MTHFD1L: variants seen among roughly 807,000 people sequenced by gnomAD.
MTHFD1L encodes the protein methylenetetrahydrofolate dehydrogenase (NADP+ dependent) 1 like.
A neutral mutation model predicts 119.5 loss-of-function variants in MTHFD1L; 81 were observed. That is an observed-to-expected ratio of 0.68 (90% CI 0.57 to 0.82). The LOEUF is 0.82. MTHFD1L is among the 40% of genes least tolerant of loss of function. The probability of loss-of-function intolerance (pLI) is 0.00; values close to 1 mark genes in which losing one functional copy is unlikely to be tolerated. For synonymous variants in MTHFD1L, 430 were observed against 475.2 expected, an observed-to-expected ratio of 0.90 and a Z score of 1.24; for missense variants, 1,125 against 1,253.4, an observed-to-expected ratio of 0.90 and a Z score of 1.55.
At chr6:150,961,197 G>A (rs1165098033) in intron 18 of MTHFD1L, among the ~76,000 whole-genome samples, 4 of 149,566 alleles carry the variant, frequency 2.7e-5, no homozygotes, top group African/African-American at 9.8e-5. Context: ...GGATTCAAGC[G>A]ATTCTCCTGC....
intron 1 of MTHFD1L, among the ~76,000 whole-genome samples, chr6:150,870,543 C>T (rs1201797049): frequency 6.6e-6 from 1 of 152,002 alleles, no homozygotes; most frequent in African/African-American, 2.4e-5. Context: ...TTTGTAGTTT[C>T]CCAGTGCATA....
chr6:150,986,376 C>T (rs917364059), intron 20 of MTHFD1L, among the ~76,000 whole-genome samples: 8 of 152,226 alleles, frequency 5.3e-5, no homozygotes, highest in Admixed American at 5.2e-4. Context: ...TTCCAACTGT[C>T]ATGGGGAATC....
chr6:151,051,522 C>T (rs922835972), intron 26 of MTHFD1L, among the ~76,000 whole-genome samples: 1 of 152,082 alleles, frequency 6.6e-6, no homozygotes, highest in African/African-American at 2.4e-5. Flanking sequence ...GGGATCTTTG[C>T]GCAGGAATAA....
chr6:151,078,284 A>G (rs1401525695), intron 26 of MTHFD1L, among the ~76,000 whole-genome samples: 3 of 152,210 alleles, frequency 2.0e-5, no homozygotes. Flanking sequence ...CAAAGAAATA[A>G]AAGAAGAAAA....
chr6:151,058,454 G>T (rs1050724033), intron 26 of MTHFD1L, among the ~76,000 whole-genome samples: 1 of 152,242 alleles, frequency 6.6e-6, no homozygotes, highest in Admixed American at 6.5e-5. Context: ...TGCTTTGAAG[G>T]ATGACCTACT....
At chr6:150,903,203 ATTTTTTTTTTTTTTT>A (rs774695918) in intron 7 of MTHFD1L, among the ~76,000 whole-genome samples, 6 of 85,474 alleles carry the variant, frequency 7.0e-5, no homozygotes, top group Admixed American at 6.1e-4. Flanking sequence ...TGGCTGCAAA[ATTTTTTTTTTTTTTT>A]TTTTTTTTTT....
intron 16 of MTHFD1L, among the ~76,000 whole-genome samples, chr6:150,953,863 T>G (rs981247799): frequency 6.6e-6 from 1 of 152,222 alleles, no homozygotes; most frequent in African/African-American, 2.4e-5. Context: ...TTTAGTTGAT[T>G]GACTTTGCAC....
chr6:150,941,355 G>A (rs576145555), intron 13 of MTHFD1L, among the ~76,000 whole-genome samples: 83 of 152,326 alleles, frequency 5.4e-4, no homozygotes, highest in Non-Finnish European at 9.8e-4. Flanking sequence ...GCAATTTGTA[G>A]CCAAGAACCT....
chr6:150,868,875 A>T (rs1161446968), intron 1 of MTHFD1L, among the ~76,000 whole-genome samples: 1 of 152,146 alleles, frequency 6.6e-6, no homozygotes, highest in Non-Finnish European at 1.5e-5. Context: ...AGCCTGGGCA[A>T]CATAGTGAGA....
intron 20 of MTHFD1L, among the ~76,000 whole-genome samples, chr6:150,985,746 A>G (rs943397839): frequency 3.3e-5 from 5 of 152,098 alleles, no homozygotes; most frequent in African/African-American, 9.7e-5. Context: ...CTTGTTTAAA[A>G]TGTTTCCTTG....
At position 150,926,073 on chromosome 6, in the gene MTHFD1L, A is replaced by G; in HGVS notation, c.1083-49A>G. ...GGCTGTTTTCACTCCAGTTGTGACC[A>G]CCTAAGCTGAGAAGCCTTTTCTCTC... On this transcript the variant is annotated intron_variant, in intron 10 of 27. Coordinates refer to ENST00000367321, the MANE Select transcript of MTHFD1L (RefSeq NM_015440.5). The surrounding 1 kb of genome is among the most constrained non-coding windows in gnomAD (Gnocchi z 4.3). 1 of 1,548,150 alleles carries G rather than the reference A, an allele frequency of 6.5e-7. No individual in the cohort carries two copies.
At position 150,957,529 on chromosome 6, in the gene MTHFD1L, G is replaced by A. The variant is rs186914631; in HGVS notation, c.1803+1458G>A. Among the ~76,000 whole-genome samples the A allele has an allele frequency of 4.8e-3, 728 of 152,232 alleles. 1 individual carries two copies. Among genetic ancestry groups the A allele is most frequent in the Non-Finnish European group, 8.4e-3 (570 of 67,992 alleles). On this transcript the variant is annotated intron_variant, in intron 17 of 27. Coordinates refer to ENST00000367321, the MANE Select transcript of MTHFD1L (RefSeq NM_015440.5). Reference sequence around the variant, plus strand: ...ATTTTAATGAAAAGAACAAGAAAATGTGTAACGTACAGGAAAAAATTCTGT... The same window carrying A: ...ATTTTAATGAAAAGAACAAGAAAATATGTAACGTACAGGAAAAAATTCTGT...
chr6:150,894,979 C>G (rs1783975989), intron 7 of MTHFD1L, among the ~76,000 whole-genome samples: 1 of 152,156 alleles, frequency 6.6e-6, no homozygotes, highest in African/African-American at 2.4e-5. Context: ...CACGGAGACC[C>G]TAGAGGTGGG....
At chr6:151,038,391 G>A (rs201169020) in intron 26 of MTHFD1L, among the ~76,000 whole-genome samples, 9 of 152,168 alleles carry the variant, frequency 5.9e-5, no homozygotes, top group Non-Finnish European at 8.8e-5. Context: ...GGGGTGATCC[G>A]ATGTGGCTGG....
intron 26 of MTHFD1L, among the ~76,000 whole-genome samples, chr6:151,046,845 T>G (rs1046938671): frequency 2.0e-5 from 3 of 152,062 alleles, no homozygotes; most frequent in Non-Finnish European, 4.4e-5. Flanking sequence ...CAGAGTCAGT[T>G]TGAGGGTATA....
chr6:151,016,790 T>TTTTTTTA, intron 24 of MTHFD1L: 1 of 265,748 alleles, frequency 3.8e-6, no homozygotes. Context: ...TTTTTTTTTT[T>TTTTTTTA]GAGACAGAGC....
intron 24 of MTHFD1L, among the ~76,000 whole-genome samples, chr6:151,026,112 A>G (rs1784576367): frequency 6.6e-6 from 1 of 152,264 alleles, no homozygotes; most frequent in Non-Finnish European, 1.5e-5. Context: ...ACAGGACTTC[A>G]ATAATTTAAT....
intron 26 of MTHFD1L, among the ~76,000 whole-genome samples, chr6:151,051,716 A>G (rs1255179521): frequency 6.6e-6 from 1 of 152,180 alleles, no homozygotes; most frequent in East Asian, 1.9e-4. Context: ...AGCAAGTACA[A>G]TTAGTGCAGC....
At chr6:150,916,384 C>T (rs9478146) in intron 8 of MTHFD1L, among the ~76,000 whole-genome samples, 3 of 122,922 alleles carry the variant, frequency 2.4e-5, no homozygotes, top group African/African-American at 9.2e-5. Context: ...TCACCGCAAT[C>T]TCCGCCTCCC....
Sources: allele counts gnomAD v4.1 joint callset (sites outside exome capture counted in the v4.1 genomes callset), GRCh38; gene constraint gnomAD v4.1.1; non-coding constraint Gnocchi (gnomAD v3.1); transcripts MANE v1.5; gene names NCBI Gene and HGNC (gene_info 2026-07-23, HGNC 2026-07-21).